The following PRR16 variants were observed in gnomAD, a reference collection of about 807,000 sequenced individuals.
PRR16 encodes the protein protein Largen.
PRR16 carries 6 observed loss-of-function variants against 18.2 expected under a neutral mutation model. The observed-to-expected ratio is 0.33, with a 90% CI of 0.18 to 0.65. The LOEUF (loss-of-function observed/expected upper bound fraction) is 0.65. PRR16 is among the 30% of genes least tolerant of loss of function. The pLI, the probability that PRR16 is intolerant of heterozygous loss-of-function variation, is 0.74. For synonymous variants in PRR16, 151 were observed against 147.8 expected (o/e 1.02, Z -0.16); for missense variants, 412 against 376.6 (o/e 1.09, Z -0.78).
At chr5:120,646,540 G>A (rs147865419) in intron 1 of PRR16, among the ~76,000 whole-genome samples, 2 of 152,110 alleles carry the variant, frequency 1.3e-5, no homozygotes, top group Non-Finnish European at 2.9e-5. Context: ...TGGGATTACA[G>A]TTCAGAGGAT....
chr5:120,791,647 TATCTATCTATC>T, the PRR16 span, among the ~76,000 whole-genome samples: 217 of 147,912 alleles, frequency 1.5e-3, 1 homozygote, highest in African/African-American at 4.8e-3. Context: ...TCTATCTATC[TATCTATCTATC>T]ATCTATCTAT....
At chr5:120,669,326 T>G (rs1434379853) in intron 1 of PRR16, among the ~76,000 whole-genome samples, 1 of 152,046 alleles carries the variant, frequency 6.6e-6, no homozygotes. Flanking sequence ...TTTACCATAG[T>G]TCCCTGCTTG....
chr5:120,660,695 T>A (rs968280092), intron 1 of PRR16, among the ~76,000 whole-genome samples: 1 of 152,094 alleles, frequency 6.6e-6, no homozygotes, highest in Non-Finnish European at 1.5e-5. Flanking sequence ...CATTGTAGCT[T>A]ATCTTTCCTG....
At chr5:120,746,798 A>G in the PRR16 span, among the ~76,000 whole-genome samples, 2 of 152,156 alleles carry the variant, frequency 1.3e-5, no homozygotes, top group African/African-American at 4.8e-5. Flanking sequence ...ATTTTCAGGA[A>G]GGGAGGCGAG....
intron 1 of PRR16, among the ~76,000 whole-genome samples, chr5:120,495,137 T>C (rs1400853921): frequency 6.6e-6 from 1 of 152,128 alleles, no homozygotes; most frequent in Non-Finnish European, 1.5e-5. Context: ...CTGCTGGAGT[T>C]AGAGAAATTG....
chr5:120,574,153 G>C (rs1753000694), intron 1 of PRR16, among the ~76,000 whole-genome samples: 1 of 152,020 alleles, frequency 6.6e-6, no homozygotes, highest in African/African-American at 2.4e-5. Flanking sequence ...GTATCATAAA[G>C]TGAATTAAAA....
intron 1 of PRR16, among the ~76,000 whole-genome samples, chr5:120,642,221 C>A (rs755645729): frequency 2.6e-4 from 39 of 151,714 alleles, no homozygotes; most frequent in African/African-American, 5.1e-4. Flanking sequence ...ATTTGCAAAT[C>A]TGATACTGTA....
chr5:120,778,505 T>A, the PRR16 span, among the ~76,000 whole-genome samples: 2 of 152,156 alleles, frequency 1.3e-5, no homozygotes, highest in Non-Finnish European at 2.9e-5. Context: ...TACAATGTTT[T>A]AAAAAAGGAA....
At chr5:120,634,486 T>C (rs1045309946) in intron 1 of PRR16, among the ~76,000 whole-genome samples, 1 of 151,872 alleles carries the variant, frequency 6.6e-6, no homozygotes, top group African/African-American at 2.4e-5. Context: ...TCTACTAAAA[T>C]ATAAAAATTA....
chr5:120,653,039 A>G (rs1213000674), intron 1 of PRR16, among the ~76,000 whole-genome samples: 1 of 152,022 alleles, frequency 6.6e-6, no homozygotes, highest in Non-Finnish European at 1.5e-5. Context: ...TAGACATAAG[A>G]GTGTGTATGA....
At chr5:120,750,502 A>C in the PRR16 span, among the ~76,000 whole-genome samples, 3 of 152,052 alleles carry the variant, frequency 2.0e-5, no homozygotes, top group South Asian at 4.2e-4. Context: ...CTACTAAAAA[A>C]AAAACAAAAC....
At chr5:120,474,520 TTTTC>T (rs1347427940) in intron 1 of PRR16, among the ~76,000 whole-genome samples, 1 of 152,156 alleles carries the variant, frequency 6.6e-6, no homozygotes, top group Non-Finnish European at 1.5e-5. Context: ...CTACCTACCT[TTTTC>T]TTTCTTTATG....
At chr5:120,579,732 A>C (rs1753204130) in intron 1 of PRR16, among the ~76,000 whole-genome samples, 2 of 152,164 alleles carry the variant, frequency 1.3e-5, no homozygotes, top group Non-Finnish European at 2.9e-5. Context: ...GGCCTTCTTT[A>C]ATTCCATATG....
chr5:120,704,836 C>A, the PRR16 span, among the ~76,000 whole-genome samples: 1 of 151,956 alleles, frequency 6.6e-6, no homozygotes, highest in Non-Finnish European at 1.5e-5. Context: ...ATAGTCAGTA[C>A]TTATGAAGCC....
the PRR16 span, among the ~76,000 whole-genome samples, chr5:120,765,975 CAT>C: frequency 1.1e-4 from 17 of 151,866 alleles, no homozygotes; most frequent in Non-Finnish European, 2.2e-4. Context: ...GTTATGGAAA[CAT>C]ACCACAATTT....
chr5:120,470,647 A>G (rs1178252621), intron 1 of PRR16, among the ~76,000 whole-genome samples: 1 of 152,176 alleles, frequency 6.6e-6, no homozygotes, highest in Non-Finnish European at 1.5e-5. Context: ...CAGTTTTGGC[A>G]ATATGAATAT....
At chr5:120,775,632 CTT>C in the PRR16 span, among the ~76,000 whole-genome samples, 24 of 137,484 alleles carry the variant, frequency 1.7e-4, no homozygotes, top group Admixed American at 3.0e-4. Context: ...TTTCTTTCTC[CTT>C]TTTTTTTTTT....
At chr5:120,700,191 C>G in the PRR16 span, among the ~76,000 whole-genome samples, 1 of 152,114 alleles carries the variant, frequency 6.6e-6, no homozygotes, top group South Asian at 2.1e-4. Flanking sequence ...AGATCCTGAA[C>G]TAACTTGTAA....
At chr5:120,730,556 G>A in the PRR16 span, among the ~76,000 whole-genome samples, 2 of 152,154 alleles carry the variant, frequency 1.3e-5, no homozygotes, top group African/African-American at 4.8e-5. Context: ...ACCAAGGATG[G>A]ATTCTTAGGA....
Sources: allele counts gnomAD v4.1 joint callset (sites outside exome capture counted in the v4.1 genomes callset), GRCh38; gene constraint gnomAD v4.1.1; transcripts MANE v1.5; gene names NCBI Gene and HGNC (gene_info 2026-07-23, HGNC 2026-07-21).